ZFP41: variants seen among roughly 807,000 people sequenced by gnomAD.
ZFP41 encodes ZFP41 zinc finger protein.
A neutral mutation model predicts 11.6 loss-of-function variants in ZFP41; 10 were observed. That is an observed-to-expected ratio of 0.86 (90% CI 0.53 to 1.47). The LOEUF (loss-of-function observed/expected upper bound fraction) is 1.47, where lower values mean the gene tolerates loss of function less well. Among genes scored for constraint, ZFP41 ranks in the 40% most tolerant of loss-of-function variants. The pLI is 0.00. For synonymous variants in ZFP41, 123 were observed against 100.9 expected, an observed-to-expected ratio of 1.22 and a Z score of -1.31; for missense variants, 302 against 264.6, an observed-to-expected ratio of 1.14 and a Z score of -0.98.
chr8:143,259,508 C>G (rs928301653), intron 2 of ZFP41, among the ~76,000 whole-genome samples: 9 of 152,196 alleles, frequency 5.9e-5, no homozygotes, highest in African/African-American at 1.9e-4. Flanking sequence ...CCTTCCTTAA[C>G]GTTTTTAGAA....
In ZFP41 at chr8:143,247,090, G is replaced by A. The variant is rs1283969937; in HGVS notation, c.-207G>A. 1 of 152,398 alleles carries A rather than the reference G, an allele frequency of 6.6e-6. No individual in the cohort carries two copies. The highest frequency in any genetic ancestry group is 2.4e-5 in the African/African-American group (1 of 41,452). 9.4% of individuals were successfully genotyped at this position (152,398 alleles called of 1,614,324 possible). ...CTCCAGCAGTCCTGGTAGGGCCCGG[G>A]CGCGTCCGCGCTCTGCAGCGGGAGG... On this transcript the variant is annotated 5_prime_UTR_variant, in exon 1 of 3. Coordinates refer to ENST00000330701, the MANE Select transcript of ZFP41 (RefSeq NM_173832.6).
chr8:143,249,914 C>T lies in ZFP41; in HGVS notation c.71C>T (p.Ala24Val), dbSNP rs143068726. Residue 24 changes from alanine to valine, a missense_variant, in exon 2 of 3, where the codon GCG becomes GTG. Ala to Val is a moderately conservative substitution (Grantham distance 64, BLOSUM62 0). Coordinates refer to ENST00000330701, the MANE Select transcript of ZFP41 (RefSeq NM_173832.6). ...GAGGAGGCAGACGTGCAGAAGAGTG[C>T]GCTCAGAGAGGAGAAGGTGTCCGGG... ...PREEADVQKS[A>V]LREEKVSGDR... The T allele has an allele frequency of 7.5e-4, 1,210 of 1,613,534 alleles. No individual in the cohort carries two copies. Among genetic ancestry groups the T allele is most frequent in the Non-Finnish European group, 8.8e-4 (1,043 of 1,179,814 alleles).
rs563243212 is a variant in ZFP41, at chr8:143,252,555, G to A, written c.*900+1215G>A. 6.0e-4 allele frequency: 421 copies of A among 704,180 alleles called. No homozygotes were observed. The East Asian group carries it at 6.8e-3, about 11-fold the overall frequency. 43.6% of individuals were successfully genotyped at this position (704,180 alleles called of 1,614,324 possible). On this transcript the variant is annotated intron_variant, in intron 2 of 2. Transcript: ENST00000330701. ...TGAACCACCAGAGGGGAGCCGTGGC[G>A]CCTGTGGCCTCCTGATGGTCCTGCC...
At chr8:143,254,361 A>G (rs1222598043) in intron 2 of ZFP41, among the ~76,000 whole-genome samples, 2 of 152,192 alleles carry the variant, frequency 1.3e-5, no homozygotes, top group Non-Finnish European at 2.9e-5. Flanking sequence ...TGTCCTTCAG[A>G]ATTAGCTGTT....
chr8:143,259,060 A>G (rs534675955), intron 2 of ZFP41, among the ~76,000 whole-genome samples: 2 of 152,350 alleles, frequency 1.3e-5, no homozygotes, highest in East Asian at 3.9e-4. Context: ...AACAACGTTC[A>G]TGGCATGCAC....
At chr8:143,255,423 C>T (rs1375056579) in intron 2 of ZFP41, among the ~76,000 whole-genome samples, 2 of 152,088 alleles carry the variant, frequency 1.3e-5, no homozygotes, top group Non-Finnish European at 2.9e-5. Context: ...GATCAGAGCT[C>T]GCCCCGCGTG....
Position 143,250,220 on chromosome 8 carries a change from A to G in ZFP41, c.377A>G (p.His126Arg). Residue 126 changes from histidine (H) to arginine (R), a missense_variant, in exon 2 of 3, where the codon CAC becomes CGC. Transcript: ENST00000330701. ...KCAQCGKAFRHSSDVTKHQRT... is the reference protein window; with the variant it reads ...KCAQCGKAFRRSSDVTKHQRT... The stretch of plus-strand genomic sequence containing the variant: ...GCGCAGTGCGGGAAGGCCTTCCGGC[A>G]CAGCTCTGACGTCACCAAACACCAG... 1 of 1,614,066 alleles carries G rather than the reference A, an allele frequency of 6.2e-7. No individual in the cohort carries two copies. The highest frequency in any genetic ancestry group is 8.5e-7 in the Non-Finnish European group (1 of 1,180,018).
chr8:143,259,578 G>T (rs753278077), intron 2 of ZFP41, among the ~76,000 whole-genome samples, 197 bp from the exon 3 acceptor site: 4 of 152,052 alleles, frequency 2.6e-5, no homozygotes, highest in Admixed American at 6.6e-5. Flanking sequence ...ACGGGTTAAC[G>T]CCCACTTCCA....
rs1446622651 is a variant in ZFP41, at chr8:143,262,326, T to A, written c.*3452T>A. ...AACACTCACATTCCCCAGGCATGCA[T>A]GTGCAGCCGCCGCCGCCACCCATGT... On this transcript the variant is annotated 3_prime_UTR_variant, in exon 3 of 3. Coordinates refer to ENST00000330701, the MANE Select transcript of ZFP41 (RefSeq NM_173832.6). The A allele has an allele frequency of 6.5e-6, 1 of 153,654 alleles. No individual in the cohort carries two copies. The highest frequency in any genetic ancestry group is 1.9e-4 in the East Asian group (1 of 5,210). The allele number at this position is 153,654 out of a possible 1,614,324, so 9.5% of individuals were successfully genotyped here.
At chr8:143,248,607 C>T (rs1464755687) in intron 1 of ZFP41, 3 of 152,382 alleles carry the variant, frequency 2.0e-5, no homozygotes, top group African/African-American at 7.2e-5. Flanking sequence ...TGGTTCTCAC[C>T]TTTGTTTCCT....
At position 143,250,478 on chromosome 8, in the gene ZFP41, G is replaced by T; in HGVS notation, c.*38G>T. 11 of 1,585,574 alleles carry T rather than the reference G, an allele frequency of 6.9e-6. No individual in the cohort carries two copies. Among genetic ancestry groups the T allele is most frequent in the Non-Finnish European group, 9.4e-6 (11 of 1,165,216 alleles). On this transcript the variant is annotated 3_prime_UTR_variant, in exon 2 of 3. Coordinates refer to ENST00000330701, the MANE Select transcript of ZFP41 (RefSeq NM_173832.6). Reference sequence around the variant, plus strand: ...TGCGGACTCGGGCCCTGCGGTGCGAGCCTCGCCGGACACCTGCTCCGTGGC... The same window carrying T: ...TGCGGACTCGGGCCCTGCGGTGCGATCCTCGCCGGACACCTGCTCCGTGGC...
rs1586720313 is a variant in ZFP41, at chr8:143,261,681, A to T, written c.*2807A>T. ...GGCCTAACGCTGCTGTCTCGCAGTCACCCCTGCAGGCCGCTCAGGGCAGGG... is the reference window on the plus strand; with the variant it reads ...GGCCTAACGCTGCTGTCTCGCAGTCTCCCCTGCAGGCCGCTCAGGGCAGGG... On this transcript the variant is annotated 3_prime_UTR_variant, in exon 3 of 3. Coordinates refer to ENST00000330701, the MANE Select transcript of ZFP41 (RefSeq NM_173832.6). The T allele has an allele frequency of 6.3e-6, 1 of 158,858 alleles. No homozygotes were observed. Among genetic ancestry groups the T allele is most frequent in the Middle Eastern group, 2.9e-3 (1 of 348 alleles). 9.8% of individuals were successfully genotyped at this position (158,858 alleles called of 1,614,324 possible).
At chr8:143,254,155 G>A (rs1814850959) in intron 2 of ZFP41, among the ~76,000 whole-genome samples, 1 of 152,180 alleles carries the variant, frequency 6.6e-6, no homozygotes, top group Non-Finnish European at 1.5e-5. Context: ...GCATTAAAGA[G>A]CCTGGTGCCT....
chr8:143,250,571 C>T lies in ZFP41; in HGVS notation c.*131C>T. On this transcript the variant is annotated 3_prime_UTR_variant, in exon 2 of 3. Coordinates refer to ENST00000330701, the MANE Select transcript of ZFP41 (RefSeq NM_173832.6). ...ACTGTGTTCCGTGCCCTGGGGACCC[C>T]CGGAAAAGCAGCCCAGTCAGATGTG... 1 of 1,442,320 alleles carries T rather than the reference C, an allele frequency of 6.9e-7. No homozygotes were observed. Among genetic ancestry groups the T allele is most frequent in the Non-Finnish European group, 9.3e-7 (1 of 1,078,794 alleles). The allele number at this position is 1,442,320 out of a possible 1,614,324, so 89.3% of individuals were successfully genotyped here. A position where few individuals can be genotyped will look rare whatever the true frequency, so the allele number is the denominator to read the frequency against.
intron 2 of ZFP41, chr8:143,253,386 G>A (rs1385436394): frequency 6.6e-6 from 1 of 152,238 alleles, no homozygotes; most frequent in Non-Finnish European, 1.5e-5. Flanking sequence ...GAAGGGTCAG[G>A]CAGGAAATAT....
intron 1 of ZFP41, chr8:143,247,368 C>A (rs1490126824): frequency 2.6e-5 from 4 of 152,330 alleles, no homozygotes; most frequent in Admixed American, 2.6e-4. Context: ...CCCTGGCGGG[C>A]CCCTCCGCCT....
At position 143,250,676 on chromosome 8, in the gene ZFP41, C is replaced by T; in HGVS notation, c.*236C>T. The T allele has an allele frequency of 1.6e-6, 1 of 641,190 alleles. No individual in the cohort carries two copies. Among genetic ancestry groups the T allele is most frequent in the East Asian group, 2.9e-5 (1 of 35,052 alleles). 39.7% of individuals were successfully genotyped at this position (641,190 alleles called of 1,614,324 possible). ...GACACCGCAGTGATGGAGAAGCCACCAGAGGCTCCTTGCAGCCACAGAGCA... is the reference window on the plus strand; with the variant it reads ...GACACCGCAGTGATGGAGAAGCCACTAGAGGCTCCTTGCAGCCACAGAGCA... On this transcript the variant is annotated 3_prime_UTR_variant, in exon 2 of 3. Transcript: ENST00000330701.
intron 2 of ZFP41, among the ~76,000 whole-genome samples, chr8:143,259,509 G>A (rs1302616751): frequency 6.6e-6 from 1 of 152,126 alleles, no homozygotes; most frequent in Non-Finnish European, 1.5e-5. Context: ...CTTCCTTAAC[G>A]TTTTTAGAAA....
At chr8:143,252,181 G>A (rs576684316) in intron 2 of ZFP41, among the ~76,000 whole-genome samples, 16 of 152,354 alleles carry the variant, frequency 1.1e-4, no homozygotes, top group Middle Eastern at 3.4e-3. Context: ...CACTAGCTTT[G>A]CCTCTGGCCT....
Sources: allele counts gnomAD v4.1 joint callset (sites outside exome capture counted in the v4.1 genomes callset), GRCh38; gene constraint gnomAD v4.1.1; transcripts MANE v1.5; gene names NCBI Gene and HGNC (gene_info 2026-07-23, HGNC 2026-07-21).